The following PLD5 variants were observed in gnomAD, a reference collection of about 807,000 sequenced individuals.
PLD5 encodes inactive phospholipase D5.
PLD5 carries 36 observed loss-of-function variants against 61.1 expected under a neutral mutation model. The ratio of observed to expected loss-of-function variants is 0.59; its 90% CI spans 0.45 to 0.78. PLD5 has a LOEUF of 0.78. Ranked by LOEUF, PLD5 falls within the 30% of genes least tolerant of loss-of-function variation. The probability of loss-of-function intolerance (pLI) is 0.00; values close to 1 mark genes in which losing one functional copy is unlikely to be tolerated. For synonymous variants in PLD5, 243 were observed against 242.8 expected, an observed-to-expected ratio of 1.00 and a Z score of -0.01; for missense variants, 515 against 644.4, an observed-to-expected ratio of 0.80 and a Z score of 2.17.
rs534606712 is a variant in PLD5, at chr1:242,212,947, T to C, written c.735+7041A>G. Among the ~76,000 whole-genome samples the C allele has an allele frequency of 9.8e-5, 15 of 152,322 alleles. No homozygotes were observed. The South Asian group carries it at 3.1e-3, about 32-fold the overall frequency. ...AATTACAGAAAGCCCATGAATTAGA[T>C]AAAGAGCAATTAAAAGCTGGACATG... On this transcript the variant is annotated intron_variant, in intron 5 of 9. Transcript: ENST00000536534.
At chr1:242,222,068 T>C (rs1670626074) in intron 4 of PLD5, among the ~76,000 whole-genome samples, 2 of 152,074 alleles carry the variant, frequency 1.3e-5, no homozygotes, top group African/African-American at 4.8e-5. Context: ...CTCTGAGGTT[T>C]CTCGGCTTGT....
chr1:242,519,453 C>T (rs749417768), intron 1 of PLD5, among the ~76,000 whole-genome samples: 31 of 152,182 alleles, frequency 2.0e-4, no homozygotes, highest in African/African-American at 4.3e-4. Context: ...CAAGATACTA[C>T]GGCTCACTAC....
intron 4 of PLD5, among the ~76,000 whole-genome samples, chr1:242,238,763 G>T (rs1453736285): frequency 1.3e-5 from 2 of 152,162 alleles, no homozygotes; most frequent in Non-Finnish European, 2.9e-5. Flanking sequence ...CAATGATATG[G>T]CTATTTGAGG....
At chr1:242,168,581 T>C (rs945964428) in intron 5 of PLD5, among the ~76,000 whole-genome samples, 3 of 152,174 alleles carry the variant, frequency 2.0e-5, no homozygotes, top group African/African-American at 7.2e-5. Context: ...TTTGGGGCAT[T>C]CATCTTTAAC....
chr1:242,296,701 A>G lies in PLD5; in HGVS notation c.327-8171T>C, dbSNP rs1675677086. ...TACCAGCAAGAGCTGGCTGGCTAAC[A>G]GTATGCTGATTATTTTTTTTTTAGA... On this transcript the variant is annotated intron_variant, in intron 2 of 9. Transcript: ENST00000536534. 2.6e-5 allele frequency among the ~76,000 whole-genome samples: 4 copies of G among 152,190 alleles called. No homozygotes were observed. In the South Asian group the frequency reaches 8.3e-4, roughly 31 times the overall value.
In PLD5 at chr1:242,429,248, G is replaced by A. The variant is rs79970347; in HGVS notation, c.190-81006C>T. ...GTCCAACTTTAACATCTGCCAAAGA[G>A]CAATTTAACTTCAGTTTGGCAAAAC... On this transcript the variant is annotated intron_variant, in intron 1 of 9. Transcript: ENST00000536534. Among the ~76,000 whole-genome samples, 21 of 152,290 alleles carry A rather than the reference G, an allele frequency of 1.4e-4. No homozygotes were observed. The East Asian group carries it at 3.1e-3, about 22-fold the overall frequency.
At chr1:242,155,036 C>T (rs1006963609) in intron 5 of PLD5, among the ~76,000 whole-genome samples, 1 of 152,138 alleles carries the variant, frequency 6.6e-6, no homozygotes, top group African/African-American at 2.4e-5. Context: ...TGTTATTGAT[C>T]TATTCAGGGA....
At chr1:242,312,532 G>T (rs1253085343) in intron 2 of PLD5, among the ~76,000 whole-genome samples, 3 of 152,084 alleles carry the variant, frequency 2.0e-5, no homozygotes, top group African/African-American at 4.8e-5. Context: ...TCTTGCCCCA[G>T]ATATCTGTGG....
chr1:242,333,358 A>G (rs2149204093), intron 2 of PLD5, among the ~76,000 whole-genome samples: 1 of 152,244 alleles, frequency 6.6e-6, no homozygotes, highest in Non-Finnish European at 1.5e-5. Context: ...ATTCAGAAAC[A>G]TATTTTTTTT....
chr1:242,502,056 C>T (rs1205052441), intron 1 of PLD5, among the ~76,000 whole-genome samples: 1 of 152,082 alleles, frequency 6.6e-6, no homozygotes, highest in African/African-American at 2.4e-5. Context: ...ATCTTATCTA[C>T]TCTTAGGACT....
At chr1:242,194,637 T>TCTATCTATCTAC (rs1668513846) in intron 5 of PLD5, among the ~76,000 whole-genome samples, 1 of 124,328 alleles carries the variant, frequency 8.0e-6, no homozygotes. Context: ...TATCTATCTA[T>TCTATCTATCTAC]CTATCTATCT....
intron 1 of PLD5, among the ~76,000 whole-genome samples, chr1:242,500,645 T>G (rs1370142949): frequency 6.6e-6 from 1 of 152,086 alleles, no homozygotes; most frequent in Non-Finnish European, 1.5e-5. Flanking sequence ...GGGTGGGACT[T>G]GGAATCAAAC....
At chr1:242,483,080 G>A (rs376839081) in intron 1 of PLD5, among the ~76,000 whole-genome samples, 8 of 152,080 alleles carry the variant, frequency 5.3e-5, no homozygotes, top group Non-Finnish European at 8.8e-5. Context: ...GAAAGGAACA[G>A]CCGGTACCAG....
intron 2 of PLD5, among the ~76,000 whole-genome samples, chr1:242,328,425 TATGTGTGTTCTACATACATGTGTTGTAC>T (rs1370410859): frequency 1.3e-5 from 2 of 152,182 alleles, no homozygotes; most frequent in African/African-American, 2.4e-5. Flanking sequence ...GTTTTCTATA[TATGTGTGTTCTACATACATGTGTTGTAC>T]ATGTGTGTTC....
At position 242,458,272 on chromosome 1, in the gene PLD5, T is replaced by C. The variant is rs367748145; in HGVS notation, c.189+65816A>G. On this transcript the variant is annotated intron_variant, in intron 1 of 9. Coordinates refer to ENST00000536534, the MANE Select transcript of PLD5 (RefSeq NM_001372062.1). Reference sequence around the variant, plus strand: ...AAGATTGTGTTAGCTCAGAAGGAACTGTGTTATTTAATTCTTCTCACTACA... The same window carrying C: ...AAGATTGTGTTAGCTCAGAAGGAACCGTGTTATTTAATTCTTCTCACTACA... 7.7e-3 allele frequency among the ~76,000 whole-genome samples: 1,173 copies of C among 152,366 alleles called. 18 individuals are homozygous for C. The highest frequency in any genetic ancestry group is 0.026 in the African/African-American group (1,088 of 41,590).
chr1:242,170,546 G>C (rs1190031785), intron 5 of PLD5, among the ~76,000 whole-genome samples: 1 of 152,170 alleles, frequency 6.6e-6, no homozygotes, highest in South Asian at 2.1e-4. Flanking sequence ...AAATGGGATG[G>C]AGAATGAGTT....
At chr1:242,249,483 C>A (rs1672584715) in intron 4 of PLD5, among the ~76,000 whole-genome samples, 1 of 152,148 alleles carries the variant, frequency 6.6e-6, no homozygotes, top group African/African-American at 2.4e-5. Flanking sequence ...ACGAAAACAC[C>A]TTCAAATCAT....
intron 5 of PLD5, among the ~76,000 whole-genome samples, chr1:242,167,594 C>A (rs1008161475): frequency 1.3e-5 from 2 of 152,164 alleles, no homozygotes; most frequent in African/African-American, 2.4e-5. Flanking sequence ...ATTTATGGAA[C>A]CTTTAATAAC....
intron 1 of PLD5, among the ~76,000 whole-genome samples, chr1:242,489,687 G>A (rs1668077740): frequency 6.6e-6 from 1 of 152,182 alleles, no homozygotes; most frequent in African/African-American, 2.4e-5. Flanking sequence ...AAGAAAGGAA[G>A]GGAAAGGGAG....
Sources: gnomAD v4.1 joint callset for allele counts (sites outside exome capture counted in the v4.1 genomes callset) on GRCh38, gnomAD v4.1.1 for gene constraint, MANE v1.5 for transcripts, NCBI Gene and HGNC (gene_info 2026-07-23, HGNC 2026-07-21) for gene names.